Variants in TAFA2 observed in about 807,000 individuals in gnomAD.
TAFA2 encodes the protein chemokine-like protein TAFA-2.
TAFA2 carries 7 observed loss-of-function variants against 18.8 expected under a neutral mutation model. The ratio of observed to expected loss-of-function variants is 0.37; its 90% CI spans 0.21 to 0.70. The LOEUF (loss-of-function observed/expected upper bound fraction) is 0.70. Ranked by LOEUF, TAFA2 falls within the 30% of genes least tolerant of loss-of-function variation. The pLI is 0.53. For missense variants in TAFA2, 122 were observed against 158.1 expected (o/e 0.77, Z 1.23); for synonymous variants, 60 against 54.2 (o/e 1.11, Z -0.47).
chr12:61,880,365 A>G (rs1875070488), intron 1 of TAFA2: 2 of 521,162 alleles, frequency 3.8e-6, no homozygotes, highest in Non-Finnish European at 7.7e-6. Context: ...GCCATTAAGG[A>G]TGCCAACACC....
Position 61,888,339 on chromosome 12 carries a change from G to A in TAFA2, c.-1-20913C>T, listed in dbSNP as rs1359551902. 3.9e-5 allele frequency among the ~76,000 whole-genome samples: 6 copies of A among 152,174 alleles called. No individual in the cohort carries two copies. In the South Asian group the frequency reaches 1.2e-3, roughly 32 times the overall value. ...AAACCAGAATGTCCCTAAGTGATTA[G>A]AGCCAGGAGGATCCATGTTTCTGGC... On this transcript the variant is annotated intron_variant, in intron 1 of 4. Transcript: ENST00000416284.
chr12:61,898,737 C>G (rs1875966901), intron 1 of TAFA2, among the ~76,000 whole-genome samples: 1 of 152,200 alleles, frequency 6.6e-6, no homozygotes. Context: ...AGGTCTCTGA[C>G]ATGCCCTGGA....
chr12:62,026,412 G>A (rs1473605420), intron 1 of TAFA2, among the ~76,000 whole-genome samples: 1 of 152,010 alleles, frequency 6.6e-6, no homozygotes, highest in African/African-American at 2.4e-5. Context: ...CTTTTTTCTT[G>A]CTGATACAAA....
chr12:61,727,815 A>G (rs1870243125), intron 4 of TAFA2, among the ~76,000 whole-genome samples: 1 of 151,772 alleles, frequency 6.6e-6, no homozygotes, highest in South Asian at 2.1e-4. Context: ...TTGTCTATTC[A>G]TGCTCTTTCA....
At chr12:61,923,129 G>A (rs191287748) in intron 1 of TAFA2, among the ~76,000 whole-genome samples, 1 of 152,310 alleles carries the variant, frequency 6.6e-6, no homozygotes, top group Admixed American at 6.5e-5. Context: ...CACCTCCCTG[G>A]GATACAGCAC....
At chr12:61,952,595 G>A (rs182971249) in intron 1 of TAFA2, among the ~76,000 whole-genome samples, 334 of 152,122 alleles carry the variant, frequency 2.2e-3, no homozygotes, top group African/African-American at 7.6e-3. Context: ...TCAGAACACA[G>A]TACTTGCACT....
chr12:61,967,250 G>T (rs1258293647), intron 1 of TAFA2, among the ~76,000 whole-genome samples: 2 of 151,824 alleles, frequency 1.3e-5, no homozygotes, highest in Admixed American at 6.6e-5. Context: ...CCTGCTAAAT[G>T]TAAGCACTGT....
chr12:61,812,997 A>T (rs1043612481), intron 2 of TAFA2, among the ~76,000 whole-genome samples: 1 of 151,574 alleles, frequency 6.6e-6, no homozygotes, highest in African/African-American at 2.4e-5. Context: ...TAAACAAAAA[A>T]TGCTTTGCAA....
intron 1 of TAFA2, among the ~76,000 whole-genome samples, chr12:62,166,785 A>G (rs1468066200): frequency 6.6e-6 from 1 of 152,052 alleles, no homozygotes; most frequent in Non-Finnish European, 1.5e-5. Flanking sequence ...AACAACACAT[A>G]CCCTCATCTT....
intron 1 of TAFA2, among the ~76,000 whole-genome samples, chr12:61,938,690 G>A (rs919327767): frequency 2.0e-5 from 3 of 152,116 alleles, no homozygotes; most frequent in Admixed American, 2.0e-4. Context: ...TAAAGAAAAT[G>A]TGGTATGTAT....
intron 1 of TAFA2, among the ~76,000 whole-genome samples, chr12:62,102,150 T>C (rs1185997538): frequency 6.6e-6 from 1 of 152,242 alleles, no homozygotes; most frequent in Non-Finnish European, 1.5e-5. Context: ...TTCATTATAC[T>C]TGTGCTTTGT....
intron 2 of TAFA2, among the ~76,000 whole-genome samples, chr12:61,809,743 G>A (rs1178155483): frequency 6.6e-6 from 1 of 151,308 alleles, no homozygotes; most frequent in African/African-American, 2.5e-5. Context: ...GTTGAGGGTA[G>A]AAAAGCTTAT....
intron 4 of TAFA2, among the ~76,000 whole-genome samples, chr12:61,740,694 T>A (rs1206082631): frequency 6.6e-6 from 1 of 151,840 alleles, no homozygotes; most frequent in Non-Finnish European, 1.5e-5. Flanking sequence ...AATAAGCAAA[T>A]TTTTTAGATG....
chr12:62,023,501 A>G (rs1881213721), intron 1 of TAFA2, among the ~76,000 whole-genome samples: 1 of 151,934 alleles, frequency 6.6e-6, no homozygotes, highest in Non-Finnish European at 1.5e-5. Context: ...GATAAAACAA[A>G]GAATTTGCCG....
chr12:61,742,226 ACAGTG>A (rs1359306600), intron 4 of TAFA2, among the ~76,000 whole-genome samples: 1 of 152,124 alleles, frequency 6.6e-6, no homozygotes, highest in African/African-American at 2.4e-5. Context: ...AGTACTTTAA[ACAGTG>A]CATTCTGTTT....
intron 1 of TAFA2, among the ~76,000 whole-genome samples, chr12:62,036,875 CA>C (rs1251520294): frequency 6.6e-6 from 1 of 152,122 alleles, no homozygotes; most frequent in Non-Finnish European, 1.5e-5. Flanking sequence ...CTGGCTAAAA[CA>C]AAAAATCAGT....
intron 2 of TAFA2, among the ~76,000 whole-genome samples, chr12:61,777,629 T>G (rs538676667): frequency 1.8e-4 from 28 of 151,684 alleles, no homozygotes; most frequent in African/African-American, 6.8e-4. Context: ...GTCAGACTAC[T>G]TGCACTCAAA....
intron 1 of TAFA2, among the ~76,000 whole-genome samples, chr12:61,911,042 C>T (rs61940963): frequency 0.26 from 39,275 of 152,020 alleles, 5,340 homozygotes; most frequent in East Asian, 0.44. Context: ...CAGATGTTCA[C>T]GAAGGTTGTG....
chr12:62,234,392 G>C (rs1417806252), intron 1 of TAFA2: 2 of 674,964 alleles, frequency 3.0e-6, no homozygotes, highest in Non-Finnish European at 5.6e-6. Flanking sequence ...TTCACCTAAG[G>C]ACCAGGAACA....
Sources: gnomAD v4.1 joint callset for allele counts (sites outside exome capture counted in the v4.1 genomes callset) on GRCh38, gnomAD v4.1.1 for gene constraint, MANE v1.5 for transcripts, NCBI Gene and HGNC (gene_info 2026-07-23, HGNC 2026-07-21) for gene names.